The following PACRG variants were observed in gnomAD, a reference collection of about 807,000 sequenced individuals.
PACRG encodes the protein parkin coregulated gene protein.
A neutral mutation model predicts 29.7 loss-of-function variants in PACRG; 29 were observed. The observed-to-expected ratio is 0.98, with a 90% CI of 0.73 to 1.33. The LOEUF (loss-of-function observed/expected upper bound fraction) is 1.33. Among genes scored for constraint, PACRG ranks in the 40% most tolerant of loss-of-function variants. PACRG has a pLI of 0.00. For missense variants in PACRG, 279 were observed against 316.2 expected, an observed-to-expected ratio of 0.88 and a Z score of 0.89; for synonymous variants, 116 against 118.7, an observed-to-expected ratio of 0.98 and a Z score of 0.15.
chr6:162,760,041 C>G lies in PACRG; in HGVS notation c.156+31650C>G, dbSNP rs531537496. 5.3e-5 allele frequency among the ~76,000 whole-genome samples: 8 copies of G among 152,188 alleles called. No individual in the cohort carries two copies. In the East Asian group the frequency reaches 1.5e-3, roughly 29 times the overall value. ...ACTTGATCCCACAAACAGATTATAC[C>G]AAAGTTTCATTCCTGATTGATTTGA... On this transcript the variant is annotated intron_variant, in intron 1 of 4. Coordinates refer to ENST00000366888, the MANE Select transcript of PACRG (RefSeq NM_001080379.2).
intron 2 of PACRG, among the ~76,000 whole-genome samples, chr6:162,862,939 T>G (rs1277696040): frequency 1.3e-5 from 2 of 152,240 alleles, no homozygotes; most frequent in African/African-American, 4.8e-5. Context: ...TGAAATCATT[T>G]AATCTTGCTA....
At position 162,868,830 on chromosome 6, in the gene PACRG, A is replaced by G. The variant is rs572723965; in HGVS notation, c.291+54549A>G. On this transcript the variant is annotated intron_variant, in intron 2 of 4. Coordinates refer to ENST00000366888, the MANE Select transcript of PACRG (RefSeq NM_001080379.2). ...CAACACTGAATCCTACTGAAAAAGG[A>G]CACAGGCTCTTTGAACTCTGCACTA... 2.6e-5 allele frequency among the ~76,000 whole-genome samples: 4 copies of G among 152,304 alleles called. No homozygotes were observed. The East Asian group carries it at 5.8e-4, about 22-fold the overall frequency.
intron 1 of PACRG, among the ~76,000 whole-genome samples, chr6:162,799,559 C>G (rs1167986890): frequency 6.6e-6 from 1 of 151,714 alleles, no homozygotes; most frequent in Non-Finnish European, 1.5e-5. Context: ...TTTCATAGCT[C>G]TGTAAATTGT....
chr6:163,104,309 C>T (rs1815263069), intron 4 of PACRG, among the ~76,000 whole-genome samples: 1 of 152,200 alleles, frequency 6.6e-6, no homozygotes, highest in African/African-American at 2.4e-5. Flanking sequence ...CATGTAACCA[C>T]ATGGTGTGCA....
At chr6:163,255,062 C>A (rs1783055241) in intron 4 of PACRG, among the ~76,000 whole-genome samples, 1 of 152,200 alleles carries the variant, frequency 6.6e-6, no homozygotes. Flanking sequence ...AGCAAGTTAA[C>A]CTGGACTTAG....
chr6:163,020,700 ATC>A (rs1312391055), intron 2 of PACRG, among the ~76,000 whole-genome samples: 1 of 152,050 alleles, frequency 6.6e-6, no homozygotes, highest in Non-Finnish European at 1.5e-5. Context: ...CACCGAGAAA[ATC>A]TTTTTTTTCC....
At chr6:162,926,516 G>A (rs1037578599) in intron 2 of PACRG, among the ~76,000 whole-genome samples, 7 of 152,078 alleles carry the variant, frequency 4.6e-5, no homozygotes, top group Admixed American at 2.6e-4. Context: ...ACAACCATCT[G>A]ATGTTCAACA....
At chr6:163,205,083 G>T (rs1780849548) in intron 4 of PACRG, among the ~76,000 whole-genome samples, 1 of 152,120 alleles carries the variant, frequency 6.6e-6, no homozygotes, top group Non-Finnish European at 1.5e-5. Flanking sequence ...CAAACAAATG[G>T]AAAAACATTT....
chr6:163,178,143 A>C (rs748096848), intron 4 of PACRG, among the ~76,000 whole-genome samples: 4 of 152,126 alleles, frequency 2.6e-5, no homozygotes, highest in Non-Finnish European at 2.9e-5. Context: ...TGTGAGAAGG[A>C]GGGCTCCCTG....
chr6:162,769,765 CAAA>C (rs201767213), intron 1 of PACRG, among the ~76,000 whole-genome samples: 2 of 126,318 alleles, frequency 1.6e-5, no homozygotes, highest in Admixed American at 7.6e-5. Flanking sequence ...AGAAGGTTAG[CAAA>C]AAAAAAAAAG....
intron 1 of PACRG, among the ~76,000 whole-genome samples, chr6:162,780,684 A>G (rs775507081): frequency 6.6e-6 from 1 of 152,164 alleles, no homozygotes; most frequent in Non-Finnish European, 1.5e-5. Context: ...TACATCTTAC[A>G]TTTTAATAGA....
At chr6:163,016,572 G>T (rs1042540952) in intron 2 of PACRG, among the ~76,000 whole-genome samples, 1 of 151,624 alleles carries the variant, frequency 6.6e-6, no homozygotes, top group Non-Finnish European at 1.5e-5. Flanking sequence ...AAAATATTTC[G>T]TCTGGCTTCC....
intron 1 of PACRG, among the ~76,000 whole-genome samples, chr6:162,764,387 G>A (rs184793017): frequency 1.4e-5 from 2 of 144,592 alleles, no homozygotes; most frequent in African/African-American, 5.3e-5. Context: ...AATCTTTTTA[G>A]CATTGTTTTA....
chr6:162,966,510 T>G (rs1011362570), intron 2 of PACRG, among the ~76,000 whole-genome samples: 8 of 147,218 alleles, frequency 5.4e-5, no homozygotes, highest in African/African-American at 2.0e-4. Flanking sequence ...GGAGTCTCAC[T>G]CTGTTGCCCA....
intron 1 of PACRG, among the ~76,000 whole-genome samples, chr6:162,772,969 T>C (rs1049806077): frequency 6.6e-6 from 1 of 152,206 alleles, no homozygotes; most frequent in African/African-American, 2.4e-5. Context: ...CAGATAGAAA[T>C]TATTATCAAG....
rs1311714865 is a variant in PACRG at position 162,993,259 on chromosome 6, A to G, written c.292-68891A>G. Among the ~76,000 whole-genome samples, 29 of 150,328 alleles carry G rather than the reference A, an allele frequency of 1.9e-4. No homozygotes were observed. In the East Asian group the frequency reaches 4.0e-3, roughly 21 times the overall value. On this transcript the variant is annotated intron_variant, in intron 2 of 4. Coordinates refer to ENST00000366888, the MANE Select transcript of PACRG (RefSeq NM_001080379.2). ...AGTTCTGTAGATGTCTATTAGGTCC[A>G]CTTGGTACAGAGCTGAGTTCAATTC...
chr6:162,764,232 G>T (rs2128294795), intron 1 of PACRG, among the ~76,000 whole-genome samples: 1 of 152,208 alleles, frequency 6.6e-6, no homozygotes, highest in Non-Finnish European at 1.5e-5. Flanking sequence ...CCAGGATTGT[G>T]CCACTGCACT....
At position 163,033,413 on chromosome 6, in the gene PACRG, A is replaced by C. The variant is rs370361205; in HGVS notation, c.292-28737A>C. ...AGTCAAAGAAACAGTGTATAACCTT[A>C]AAGCATTTAGTAAACTTAATATTTG... On this transcript the variant is annotated intron_variant, in intron 2 of 4. Transcript: ENST00000366888. Among the ~76,000 whole-genome samples the C allele has an allele frequency of 1.6e-4, 24 of 152,374 alleles. No individual in the cohort carries two copies. The East Asian group carries it at 4.4e-3, about 28-fold the overall frequency.
At chr6:163,040,635 C>T (rs1450369986) in intron 2 of PACRG, among the ~76,000 whole-genome samples, 4 of 152,142 alleles carry the variant, frequency 2.6e-5, no homozygotes, top group African/African-American at 9.7e-5. Flanking sequence ...ATCAGCATGC[C>T]CTGGATGTAA....
Sources: gnomAD v4.1 joint callset for allele counts (sites outside exome capture counted in the v4.1 genomes callset) on GRCh38, gnomAD v4.1.1 for gene constraint, MANE v1.5 for transcripts, NCBI Gene and HGNC (gene_info 2026-07-23, HGNC 2026-07-21) for gene names.